The following FAR2 variants were observed in gnomAD, a reference collection of about 807,000 sequenced individuals.
FAR2 encodes fatty acyl-CoA reductase 2, also known as epididymis secretory protein Li 81.
A neutral mutation model predicts 56.0 loss-of-function variants in FAR2; 19 were observed. The observed-to-expected ratio is 0.34, with a 90% CI of 0.24 to 0.50. The LOEUF (loss-of-function observed/expected upper bound fraction) is 0.50, where lower values mean the gene tolerates loss of function less well. FAR2 is among the 20% of genes least tolerant of loss of function. FAR2 has a pLI of 0.98. For synonymous variants in FAR2, 219 were observed against 218.8 expected (o/e 1.00, Z -0.01); for missense variants, 508 against 642.2 (o/e 0.79, Z 2.26).
chr12:29,277,180 C>A (rs935706870), intron 2 of FAR2, among the ~76,000 whole-genome samples: 1 of 151,940 alleles, frequency 6.6e-6, no homozygotes, highest in Non-Finnish European at 1.5e-5. Context: ...GTTTCACCAT[C>A]GTGGCCAGGC....
chr12:29,298,516 A>C (rs2136762516), intron 4 of FAR2, among the ~76,000 whole-genome samples: 1 of 152,282 alleles, frequency 6.6e-6, no homozygotes, highest in Admixed American at 6.5e-5. Flanking sequence ...ATGTAAAAAT[A>C]TCCAGGACAA....
chr12:29,249,745 T>G (rs530597741), intron 1 of FAR2, among the ~76,000 whole-genome samples: 54 of 152,318 alleles, frequency 3.5e-4, no homozygotes, highest in Non-Finnish European at 6.6e-4. Context: ...ATTATTTTAT[T>G]ATTATTAGTT....
rs532990330 is a variant in FAR2, at chr12:29,172,747, G to A, written c.-39+23340G>A. 9.5e-4 allele frequency among the ~76,000 whole-genome samples: 145 copies of A among 152,284 alleles called. 1 individual carries two copies. Among genetic ancestry groups the A allele is most frequent in the African/African-American group, 2.9e-3 (122 of 41,562 alleles). Reference sequence around the variant, plus strand: ...GGAGTATATTTTCTTAAGGCCTCCCGTAGCCGCTCGAGGAAGGCAGAAGGA... The same window carrying A: ...GGAGTATATTTTCTTAAGGCCTCCCATAGCCGCTCGAGGAAGGCAGAAGGA... On this transcript the variant is annotated intron_variant, in intron 1 of 11. Transcript: ENST00000536681.
intron 1 of FAR2, among the ~76,000 whole-genome samples, chr12:29,160,851 T>G (rs755924821): frequency 2.6e-5 from 4 of 152,176 alleles, no homozygotes; most frequent in Non-Finnish European, 5.9e-5. Flanking sequence ...TGACCTCATC[T>G]TAACTAATTG....
chr12:29,251,034 A>G (rs1000674431), intron 1 of FAR2, among the ~76,000 whole-genome samples: 1 of 152,204 alleles, frequency 6.6e-6, no homozygotes, highest in Non-Finnish European at 1.5e-5. Context: ...CAAAACAGCA[A>G]TCAGAAGAGT....
chr12:29,305,276 G>A (rs1195865759), intron 4 of FAR2, among the ~76,000 whole-genome samples: 2 of 152,028 alleles, frequency 1.3e-5, no homozygotes, highest in African/African-American at 2.4e-5. Context: ...TGGAACTGCA[G>A]GTGCACACCA....
At chr12:29,165,742 G>A (rs1386307977) in intron 1 of FAR2, among the ~76,000 whole-genome samples, 2 of 152,112 alleles carry the variant, frequency 1.3e-5, no homozygotes, top group African/African-American at 2.4e-5. Context: ...GTACCAAATA[G>A]GTAAACATTT....
At chr12:29,201,924 G>T (rs983301337) in intron 1 of FAR2, among the ~76,000 whole-genome samples, 17 of 152,194 alleles carry the variant, frequency 1.1e-4, no homozygotes, top group Admixed American at 9.8e-4. Context: ...TGCACCAGAA[G>T]ACTGTTGATT....
rs1341880746 is a variant in FAR2, at chr12:29,334,824, A to G, written c.*1030A>G. On this transcript the variant is annotated 3_prime_UTR_variant, in exon 12 of 12. Coordinates refer to ENST00000536681, the MANE Select transcript of FAR2 (RefSeq NM_001271783.2). ...CCAATTGCACAATGTTAACTGTACA[A>G]CACACAGCAGAAAAGTGAATAGACT... The G allele has an allele frequency of 6.6e-6, 1 of 152,200 alleles. No individual in the cohort carries two copies. The highest frequency in any genetic ancestry group is 6.5e-5 in the Admixed American group (1 of 15,270). The allele number at this position is 152,200 out of a possible 1,614,324, so 9.4% of individuals were successfully genotyped here.
intron 4 of FAR2, among the ~76,000 whole-genome samples, chr12:29,302,641 TGAA>T (rs1949195052): frequency 6.6e-6 from 1 of 152,146 alleles, no homozygotes; most frequent in South Asian, 2.1e-4. Context: ...AGAGATCCAT[TGAA>T]GGAGGGCCAT....
chr12:29,261,234 C>T (rs184056662), intron 1 of FAR2, among the ~76,000 whole-genome samples: 25 of 152,010 alleles, frequency 1.6e-4, no homozygotes, highest in Middle Eastern at 6.8e-3. Context: ...ACAAAGAGAT[C>T]GAAATAATTA....
chr12:29,238,610 G>A (rs1441563762), intron 1 of FAR2, among the ~76,000 whole-genome samples: 1 of 152,092 alleles, frequency 6.6e-6, no homozygotes, highest in Non-Finnish European at 1.5e-5. Context: ...TAGTTTAGCT[G>A]ATCATAGTGA....
intron 1 of FAR2, among the ~76,000 whole-genome samples, chr12:29,211,618 G>C (rs1947550319): frequency 6.6e-6 from 1 of 152,036 alleles, no homozygotes; most frequent in Admixed American, 6.6e-5. Flanking sequence ...GACCCTTTAA[G>C]TTACTGAGCT....
rs530435162 is a variant in FAR2 at position 29,329,246 on chromosome 12, G to GT, written c.1258-3353dup. ...AACAAATCAACAAATTCAAGCTATT[G>GT]TAAGTTCTTTTAAAATTTAGCTTTA... On this transcript the variant is annotated intron_variant, in intron 10 of 11. Coordinates refer to ENST00000536681, the MANE Select transcript of FAR2 (RefSeq NM_001271783.2). Among the ~76,000 whole-genome samples the GT allele has an allele frequency of 1.3e-4, 20 of 152,236 alleles. No homozygotes were observed. The East Asian group carries it at 2.5e-3, about 19-fold the overall frequency.
chr12:29,255,712 C>T (rs1006223554), intron 1 of FAR2, among the ~76,000 whole-genome samples: 3 of 151,904 alleles, frequency 2.0e-5, no homozygotes. Flanking sequence ...GCAACTTCTG[C>T]CTCCCAGGTA....
intron 2 of FAR2, chr12:29,277,340 A>G (rs1948716915): frequency 6.6e-6 from 1 of 152,248 alleles, no homozygotes; most frequent in Admixed American, 6.5e-5. Context: ...GTGTCCAGAA[A>G]TAACAAGAAA....
At chr12:29,178,610 T>C (rs1188571371) in intron 1 of FAR2, among the ~76,000 whole-genome samples, 1 of 152,138 alleles carries the variant, frequency 6.6e-6, no homozygotes, top group Non-Finnish European at 1.5e-5. Flanking sequence ...CAAGATCTTG[T>C]CTCAATTTTT....
Position 29,333,891 on chromosome 12 carries a change from C to A in FAR2, c.*97C>A. 1 of 1,127,424 alleles carries A rather than the reference C, an allele frequency of 8.9e-7. No individual in the cohort carries two copies. The highest frequency in any genetic ancestry group is 1.3e-6 in the Non-Finnish European group (1 of 781,830). The allele number at this position is 1,127,424 out of a possible 1,614,324, so 69.8% of individuals were successfully genotyped here. A position where few individuals can be genotyped will look rare whatever the true frequency, so the allele number is the denominator to read the frequency against. ...ATTAGAAAGTAACAAGGAATATGCC[C>A]AAACTGTCAAATGTCACCTGTTATG... On this transcript the variant is annotated 3_prime_UTR_variant, in exon 12 of 12. Transcript: ENST00000536681.
At chr12:29,317,687 A>G (rs1295670673) in intron 9 of FAR2, 1 of 152,668 alleles carries the variant, frequency 6.6e-6, no homozygotes, top group Non-Finnish European at 1.5e-5. Flanking sequence ...AATATACAAT[A>G]ATGATGACAA....
Sources: gnomAD v4.1 joint callset for allele counts (sites outside exome capture counted in the v4.1 genomes callset) on GRCh38, gnomAD v4.1.1 for gene constraint, MANE v1.5 for transcripts, NCBI Gene and HGNC (gene_info 2026-07-23, HGNC 2026-07-21) for gene names.